Variants in CIMAP2 observed in about 807,000 individuals in gnomAD.
CIMAP2 encodes the protein ciliary microtubule-associated protein 2.
the CIMAP2 span, among the ~76,000 whole-genome samples, chr1:54,827,221 C>T: frequency 6.6e-6 from 1 of 152,224 alleles, no homozygotes; most frequent in African/African-American, 2.4e-5. Context: ...AGAATCTAGT[C>T]CTTCCCCTTC....
chr1:54,817,081 C>A, the CIMAP2 span: 6 of 1,614,194 alleles, frequency 3.7e-6, no homozygotes, highest in Non-Finnish European at 5.1e-6. Context: ...TGAGTGGATC[C>A]AAACGCTACC....
the CIMAP2 span, chr1:54,814,855 G>C: frequency 1.2e-6 from 2 of 1,609,410 alleles, no homozygotes; most frequent in Middle Eastern, 4.0e-4. Flanking sequence ...ACCTGCCCTG[G>C]GCCCAGGCTG....
At chr1:54,806,450 G>A in the CIMAP2 span, among the ~76,000 whole-genome samples, 2 of 152,188 alleles carry the variant, frequency 1.3e-5, no homozygotes, top group African/African-American at 4.8e-5. Context: ...ATCTAAGTGA[G>A]TTCTTTAAAA....
At chr1:54,837,595 C>G in the CIMAP2 span, among the ~76,000 whole-genome samples, 2 of 152,104 alleles carry the variant, frequency 1.3e-5, no homozygotes, top group South Asian at 2.1e-4. Flanking sequence ...ACTCTCCTGC[C>G]CAGTGGTGGG....
chr1:54,837,435 A>G, the CIMAP2 span, among the ~76,000 whole-genome samples: 2 of 152,092 alleles, frequency 1.3e-5, no homozygotes, highest in Non-Finnish European at 2.9e-5. Context: ...CTCTTTTCTT[A>G]GCTGTAGAAT....
At chr1:54,825,975 T>C in the CIMAP2 span, among the ~76,000 whole-genome samples, 1 of 152,098 alleles carries the variant, frequency 6.6e-6, no homozygotes, top group Non-Finnish European at 1.5e-5. Context: ...GGTGCACTAG[T>C]CTACGCCAAG....
chr1:54,808,701 G>A, the CIMAP2 span, among the ~76,000 whole-genome samples: 1 of 151,984 alleles, frequency 6.6e-6, no homozygotes. Context: ...GTTGGGAGGA[G>A]GCGATGGTGC....
the CIMAP2 span, among the ~76,000 whole-genome samples, chr1:54,820,600 C>T: frequency 1 from 152,336 of 152,356 alleles, 76,158 homozygotes; most frequent in Middle Eastern, 1. Context: ...TTTGTTACTT[C>T]TTGTCTTTTT....
At chr1:54,808,017 T>G in the CIMAP2 span, 5 of 1,551,382 alleles carry the variant, frequency 3.2e-6, no homozygotes, top group South Asian at 4.9e-5. Context: ...CTGGGGTAGG[T>G]GTTCTCATGT....
chr1:54,815,341 G>T, the CIMAP2 span, among the ~76,000 whole-genome samples: 1 of 152,238 alleles, frequency 6.6e-6, no homozygotes, highest in Non-Finnish European at 1.5e-5. Flanking sequence ...TTACCAACAA[G>T]TTCAGGTGAT....
At chr1:54,808,501 AG>A in the CIMAP2 span, among the ~76,000 whole-genome samples, 1 of 151,786 alleles carries the variant, frequency 6.6e-6, no homozygotes, top group African/African-American at 2.4e-5. Context: ...GTGTGGCCAG[AG>A]GGCACTGGCC....
At chr1:54,841,899 G>A in the CIMAP2 span, 4 of 1,547,938 alleles carry the variant, frequency 2.6e-6, no homozygotes, top group African/African-American at 4.1e-5. Flanking sequence ...ACAGCCTGCA[G>A]TGACCAGAGA....
the CIMAP2 span, chr1:54,811,765 G>GCCGGGGGGGGGGGGGGGGGGCCC: frequency 7.7e-7 from 1 of 1,301,332 alleles, no homozygotes; most frequent in Non-Finnish European, 1.1e-6. Context: ...GGTTCTGACA[G>GCCGGGGGGGGGGGGGGGGGGCCC]CCTCCATGCC....
chr1:54,819,272 G>C, the CIMAP2 span, among the ~76,000 whole-genome samples: 1 of 152,122 alleles, frequency 6.6e-6, no homozygotes, highest in Non-Finnish European at 1.5e-5. Flanking sequence ...TCTCATTGTG[G>C]GACCTGTCTG....
At chr1:54,825,547 G>A in the CIMAP2 span, among the ~76,000 whole-genome samples, 5 of 152,214 alleles carry the variant, frequency 3.3e-5, no homozygotes, top group African/African-American at 9.6e-5. Flanking sequence ...GCTGGGGGTG[G>A]GGGTGCCAGG....
the CIMAP2 span, among the ~76,000 whole-genome samples, chr1:54,839,922 A>T: frequency 6.6e-6 from 1 of 151,846 alleles, no homozygotes. Flanking sequence ...GCTAATTTTT[A>T]AATTTCTTGT....
chr1:54,811,718 A>C, the CIMAP2 span: 2 of 1,400,142 alleles, frequency 1.4e-6, no homozygotes, highest in Non-Finnish European at 9.9e-7. Context: ...TGGCAATCTC[A>C]GGTGTCTGTT....
the CIMAP2 span, among the ~76,000 whole-genome samples, chr1:54,836,799 G>T: frequency 7.2e-5 from 11 of 152,134 alleles, no homozygotes; most frequent in Admixed American, 6.5e-4. Context: ...GCCTGATCAG[G>T]GATGGCCGAG....
the CIMAP2 span, chr1:54,807,044 C>T: frequency 6.2e-7 from 1 of 1,614,184 alleles, no homozygotes; most frequent in Non-Finnish European, 8.5e-7. Flanking sequence ...TCAGCACCTT[C>T]ACTGAGGCCC....
Sources: gnomAD v4.1 joint callset for allele counts (sites outside exome capture counted in the v4.1 genomes callset) on GRCh38, gnomAD v4.1.1 for gene constraint, MANE v1.5 for transcripts, NCBI Gene and HGNC (gene_info 2026-07-23, HGNC 2026-07-21) for gene names.